The following CSF2RA variants were observed in gnomAD, a reference collection of about 807,000 sequenced individuals.
The protein encoded by CSF2RA is colony stimulating factor 2 receptor subunit alpha.
In CSF2RA, 42 loss-of-function variants were observed where a neutral mutation model predicts 51.6. That is an observed-to-expected ratio of 0.81 (90% confidence interval 0.64 to 1.05). CSF2RA has a LOEUF of 1.05. CSF2RA is among the 50% of genes least tolerant of loss of function. The pLI, the probability that CSF2RA is intolerant of heterozygous loss-of-function variation, is 0.00. For missense variants in CSF2RA, 530 were observed against 501.1 expected (o/e 1.06, Z -0.55); for synonymous variants, 222 against 193.0 (o/e 1.15, Z -1.24).
intron 8 of CSF2RA, 91 bp downstream of exon 8, chrX:1,294,552 G>T: frequency 8.9e-6 from 14 of 1,565,544 alleles, no homozygotes; most frequent in Non-Finnish European, 1.1e-5. Flanking sequence ...GAAGTGGCCT[G>T]GGGGAAGGAT....
the CSF2RA span, among the ~76,000 whole-genome samples, chrX:1,323,101 C>T: frequency 7.0e-6 from 1 of 142,494 alleles, no homozygotes; most frequent in African/African-American, 2.7e-5. Context: ...CGCACTCCAG[C>T]CTGAGCGACA....
chrX:1,299,913 C>G (rs1157923253), intron 9 of CSF2RA, among the ~76,000 whole-genome samples: 9 of 148,744 alleles, frequency 6.1e-5, no homozygotes, highest in Non-Finnish European at 1.2e-4. Context: ...GCGAGAGTGT[C>G]TCAAATAAAA....
chrX:1,314,442 T>TTGCCCAACCGCACTGCACC (rs2084376252), downstream of CSF2RA, among the ~76,000 whole-genome samples: 2 of 28,138 alleles, frequency 7.1e-5, no homozygotes, highest in African/African-American at 3.2e-4. Context: ...CGCACTGCAC[T>TTGCCCAACCGCACTGCACC]TGCCCAATTG....
intron 6 of CSF2RA, among the ~76,000 whole-genome samples, chrX:1,289,894 G>C (rs189231694): frequency 4.0e-5 from 3 of 74,410 alleles, no homozygotes; most frequent in Admixed American, 3.5e-4. Flanking sequence ...GTTTTGTTTT[G>C]TTTTGTGTTT....
intron 10 of CSF2RA, chrX:1,303,194 A>G: frequency 3.6e-6 from 1 of 274,110 alleles, no homozygotes; most frequent in Non-Finnish European, 6.8e-6. Flanking sequence ...AGTAGCTGGG[A>G]TTACAGACAT....
chrX:1,276,959 C>T (rs778883790), intron 2 of CSF2RA, among the ~76,000 whole-genome samples: 3 of 151,584 alleles, frequency 2.0e-5, no homozygotes, highest in South Asian at 4.2e-4. Context: ...ATTAGCTGGG[C>T]GTGGTGGTGC....
intron 3 of CSF2RA, 69 bp downstream of exon 3, chrX:1,282,848 T>A: frequency 7.7e-7 from 1 of 1,293,226 alleles, no homozygotes; most frequent in East Asian, 2.3e-5. Context: ...TGGAGACCCA[T>A]CTGGATACCT....
rs778366446 is a variant in CSF2RA, at chrX:1,305,649, C to T, written c.1125+122C>T. On this transcript the variant is annotated intron_variant, in intron 12 of 12. Transcript: ENST00000381529. ...CCAGATGGGACCGCAGCGTCACCACCGGTGTGGCTGGAATCTGTATCCCAC... is the reference window on the plus strand; with the variant it reads ...CCAGATGGGACCGCAGCGTCACCACTGGTGTGGCTGGAATCTGTATCCCAC... 15 of 1,608,542 alleles carry T rather than the reference C, an allele frequency of 9.3e-6. No homozygotes were observed. In the Admixed American group the frequency reaches 1.2e-4, roughly 13 times the overall value.
At chrX:1,277,129 T>C (rs1229795413) in intron 2 of CSF2RA, among the ~76,000 whole-genome samples, 4 of 151,782 alleles carry the variant, frequency 2.6e-5, no homozygotes, top group Admixed American at 1.3e-4. Context: ...ACGCAGTAGC[T>C]GAGAAGACAG....
chrX:1,293,374 A>G (rs1222392796), intron 7 of CSF2RA, among the ~76,000 whole-genome samples: 5 of 151,866 alleles, frequency 3.3e-5, no homozygotes, highest in Non-Finnish European at 5.9e-5. Context: ...ACCCGCCACC[A>G]CGCCCGGCTA....
intron 10 of CSF2RA, 105 bp downstream of exon 10, chrX:1,300,731 A>G: frequency 6.8e-7 from 1 of 1,468,354 alleles, no homozygotes; most frequent in Non-Finnish European, 9.5e-7. Context: ...CGAGTTGAGC[A>G]CGTCGCTGGG....
chrX:1,298,750 ATGACCCCCAG>A lies in CSF2RA; in HGVS notation c.811-1738_811-1729del, dbSNP rs1217820359. On this transcript the variant is annotated intron_variant, in intron 9 of 12. Transcript: ENST00000381529. The stretch of plus-strand genomic sequence containing the variant: ...CTCACGACCCCTAGTGTAACCCCAC[ATGACCCCCAG>A]TGTAACCCTATAGTCCCCTACCCAC... Among the ~76,000 whole-genome samples the A allele has an allele frequency of 1.5e-3, 14 of 9,572 alleles. 1 individual carries two copies. In the South Asian group the frequency reaches 0.026, roughly 18 times the overall value. The allele number at this position is 9,572 out of a possible 152,430, so 6.3% of individuals were successfully genotyped here. A position where few individuals can be genotyped will look rare whatever the true frequency, so the allele number is the denominator to read the frequency against.
chrX:1,285,701 CAAAAAAAAAA>C lies in CSF2RA; in HGVS notation c.77-56_77-47del, dbSNP rs374606414. On this transcript the variant is annotated intron_variant, in intron 3 of 12. Coordinates refer to ENST00000381529, the MANE Select transcript of CSF2RA (RefSeq NM_172245.4). ...TGGGAGACAAAGCCAGACTCCGTCT[CAAAAAAAAAA>C]AAAAAAAAAAAAAAAAAAAAGGAAA... 1.3e-3 allele frequency: 1,162 copies of C among 872,800 alleles called. 1 individual carries two copies. Among genetic ancestry groups the C allele is most frequent in the African/African-American group, 2.9e-3 (74 of 25,732 alleles). 54.1% of individuals were successfully genotyped at this position (872,800 alleles called of 1,614,324 possible). A position where few individuals can be genotyped will look rare whatever the true frequency, so the allele number is the denominator to read the frequency against.
the CSF2RA span, among the ~76,000 whole-genome samples, chrX:1,315,890 C>T: frequency 6.7e-6 from 1 of 149,652 alleles, no homozygotes; most frequent in South Asian, 2.1e-4. Context: ...TAGATAGACT[C>T]TAGATGGATA....
chrX:1,309,133 G>T (rs1396296110), intron 12 of CSF2RA, among the ~76,000 whole-genome samples: 25 of 152,010 alleles, frequency 1.6e-4, no homozygotes, highest in Admixed American at 6.6e-5. Context: ...TCAGTCGAAG[G>T]TCTAAAGGGG....
chrX:1,269,404 T>C (rs376140793), intron 1 of CSF2RA, among the ~76,000 whole-genome samples: 3 of 152,016 alleles, frequency 2.0e-5, no homozygotes, highest in African/African-American at 7.2e-5. Context: ...GTGGATCACC[T>C]GAGGTCGACA....
chrX:1,323,686 C>CTA, the CSF2RA span, among the ~76,000 whole-genome samples: 4 of 151,744 alleles, frequency 2.6e-5, no homozygotes. Context: ...CAGTTTGAGG[C>CTA]TAGCCTGGGC....
chrX:1,278,207 G>A (rs1291923948), intron 2 of CSF2RA, among the ~76,000 whole-genome samples: 5 of 147,582 alleles, frequency 3.4e-5, no homozygotes, highest in African/African-American at 1.3e-4. Context: ...GGTGGTGCGT[G>A]CCTGTAGTCC....
intron 2 of CSF2RA, among the ~76,000 whole-genome samples, chrX:1,278,080 T>A (rs1456699985): frequency 1.3e-5 from 2 of 149,528 alleles, no homozygotes. Context: ...ATGCCTATAA[T>A]CCCAGCACTT....
Sources: gnomAD v4.1 joint callset for allele counts (sites outside exome capture counted in the v4.1 genomes callset) on GRCh38, gnomAD v4.1.1 for gene constraint, MANE v1.5 for transcripts, NCBI Gene and HGNC (gene_info 2026-07-23, HGNC 2026-07-21) for gene names.